Variants in SGCZ observed in about 807,000 individuals in gnomAD.
SGCZ encodes the protein sarcoglycan zeta.
Under a neutral mutation model 41.3 loss-of-function variants are expected in SGCZ, and 40 were observed. The ratio of observed to expected loss-of-function variants is 0.97; its 90% confidence interval spans 0.75 to 1.26. The LOEUF is 1.26. Ranked by LOEUF, SGCZ falls within the 50% of genes most tolerant of loss-of-function variation. The pLI is 0.00. For missense variants in SGCZ, 552 were observed against 369.8 expected (o/e 1.49, Z -4.04); for synonymous variants, 206 against 137.5 (o/e 1.50, Z -3.49).
chr8:14,939,865 T>C (rs1324449444), intron 1 of SGCZ, among the ~76,000 whole-genome samples: 9 of 152,156 alleles, frequency 5.9e-5, no homozygotes. Context: ...ATTCAAAGAA[T>C]TAAAACCACA....
At chr8:14,739,001 A>G (rs939820851) in intron 1 of SGCZ, among the ~76,000 whole-genome samples, 4 of 152,064 alleles carry the variant, frequency 2.6e-5, no homozygotes, top group African/African-American at 9.7e-5. Flanking sequence ...AAGAATATAC[A>G]TGCATTATCA....
At chr8:14,859,906 A>C (rs1005504931) in intron 1 of SGCZ, among the ~76,000 whole-genome samples, 3 of 152,174 alleles carry the variant, frequency 2.0e-5, no homozygotes, top group Admixed American at 6.5e-5. Context: ...ATGTGCATTG[A>C]TTAATTGATT....
chr8:14,366,836 C>T (rs1054062444), intron 2 of SGCZ, among the ~76,000 whole-genome samples: 1 of 152,086 alleles, frequency 6.6e-6, no homozygotes, highest in African/African-American at 2.4e-5. Context: ...AGGATAAAGG[C>T]ACAAAACCTT....
At position 14,910,229 on chromosome 8, in the gene SGCZ, G is replaced by A. The variant is rs17120573; in HGVS notation, c.39+327356C>T. 8.9e-3 allele frequency among the ~76,000 whole-genome samples: 1,358 copies of A among 152,048 alleles called. 15 individuals carry two copies. Among genetic ancestry groups the A allele is most frequent in the African/African-American group, 0.031 (1,278 of 41,492 alleles). On this transcript the variant is annotated intron_variant, in intron 1 of 7. Coordinates refer to ENST00000382080, the MANE Select transcript of SGCZ (RefSeq NM_139167.4). ...TTAATCATTTGTTAAATTTGATAAG[G>A]ATAATTCCCAGTTGGTTAAAACAGT...
intron 4 of SGCZ, among the ~76,000 whole-genome samples, chr8:14,214,583 G>A (rs192555761): frequency 7.9e-5 from 12 of 152,126 alleles, no homozygotes. Flanking sequence ...ATAAATAGAG[G>A]TTAACAGAAT....
intron 1 of SGCZ, among the ~76,000 whole-genome samples, chr8:14,997,010 T>C (rs1802241989): frequency 6.6e-6 from 1 of 152,230 alleles, no homozygotes; most frequent in Admixed American, 6.5e-5. Flanking sequence ...AGGGTAGTTA[T>C]GTTGTGGGAT....
chr8:14,967,069 T>G (rs1365270145), intron 1 of SGCZ, among the ~76,000 whole-genome samples: 1 of 152,176 alleles, frequency 6.6e-6, no homozygotes, highest in East Asian at 1.9e-4. Flanking sequence ...TAAGTCACTC[T>G]TTCATTTTCA....
chr8:14,539,338 G>T (rs1011494425), intron 2 of SGCZ, among the ~76,000 whole-genome samples: 1 of 151,760 alleles, frequency 6.6e-6, no homozygotes, highest in East Asian at 1.9e-4. Flanking sequence ...TTTGTCTGGA[G>T]AACCCTGATT....
At chr8:14,116,048 T>C (rs1802512405) in intron 5 of SGCZ, among the ~76,000 whole-genome samples, 1 of 152,064 alleles carries the variant, frequency 6.6e-6, no homozygotes, top group African/African-American at 2.4e-5. Flanking sequence ...CCTTAGGACT[T>C]CTGGTACATT....
At chr8:14,342,713 G>C (rs1802752831) in intron 2 of SGCZ, among the ~76,000 whole-genome samples, 1 of 152,164 alleles carries the variant, frequency 6.6e-6, no homozygotes. Flanking sequence ...TAAAGGCTTG[G>C]AAATTATGCA....
intron 1 of SGCZ, among the ~76,000 whole-genome samples, chr8:14,671,942 T>G (rs923834147): frequency 2.0e-5 from 3 of 152,132 alleles, no homozygotes; most frequent in Non-Finnish European, 4.4e-5. Flanking sequence ...CATTTTGCCT[T>G]ATTAATATCA....
chr8:15,154,320 A>C (rs12541163), intron 1 of SGCZ, among the ~76,000 whole-genome samples: 32,385 of 152,152 alleles, frequency 0.21, 3,854 homozygotes, highest in East Asian at 0.47. Flanking sequence ...AAAGCAGCAG[A>C]CCCTACATGA....
intron 1 of SGCZ, among the ~76,000 whole-genome samples, chr8:15,139,480 C>T (rs1420706519): frequency 6.6e-6 from 1 of 152,030 alleles, no homozygotes; most frequent in Non-Finnish European, 1.5e-5. Context: ...ACTATTACTG[C>T]TATTGCAATT....
intron 4 of SGCZ, among the ~76,000 whole-genome samples, chr8:14,218,334 A>T (rs1361466671): frequency 6.6e-6 from 1 of 152,214 alleles, no homozygotes; most frequent in Non-Finnish European, 1.5e-5. Flanking sequence ...AGTTCCAAAA[A>T]CATAAATAAG....
intron 5 of SGCZ, among the ~76,000 whole-genome samples, chr8:14,141,289 A>C (rs1803362207): frequency 6.6e-6 from 1 of 152,214 alleles, no homozygotes. Flanking sequence ...ACCAAAAGCA[A>C]TCACAACAAG....
chr8:14,273,069 A>G (rs994555053), intron 3 of SGCZ, among the ~76,000 whole-genome samples: 6 of 152,012 alleles, frequency 3.9e-5, no homozygotes, highest in Non-Finnish European at 8.8e-5. Flanking sequence ...TTTGTATACA[A>G]TTTCTTAATT....
At chr8:14,933,827 C>T (rs1455478315) in intron 1 of SGCZ, among the ~76,000 whole-genome samples, 1 of 151,940 alleles carries the variant, frequency 6.6e-6, no homozygotes, top group Admixed American at 6.5e-5. Flanking sequence ...GTCTAATTGG[C>T]CAGTGCTCGT....
At chr8:14,182,728 G>T (rs1293578686) in intron 4 of SGCZ, among the ~76,000 whole-genome samples, 1 of 152,152 alleles carries the variant, frequency 6.6e-6, no homozygotes, top group Non-Finnish European at 1.5e-5. Context: ...CTAATGTATG[G>T]CCAGGCATGA....
At chr8:14,104,639 A>C (rs2116990506) in intron 6 of SGCZ, among the ~76,000 whole-genome samples, 1 of 152,296 alleles carries the variant, frequency 6.6e-6, no homozygotes, top group Admixed American at 6.5e-5. Flanking sequence ...CATAGGTAGA[A>C]GAACACCAGC....
Sources: gnomAD v4.1 joint callset for allele counts (sites outside exome capture counted in the v4.1 genomes callset) on GRCh38, gnomAD v4.1.1 for gene constraint, MANE v1.5 for transcripts, NCBI Gene and HGNC (gene_info 2026-07-23, HGNC 2026-07-21) for gene names.